The following GMDS variants were observed in gnomAD, a reference collection of about 807,000 sequenced individuals.
GMDS encodes GDP-mannose 4,6 dehydratase.
A neutral mutation model predicts 49.9 loss-of-function variants in GMDS; 20 were observed. That is an observed-to-expected ratio of 0.40 (90% CI 0.28 to 0.58). The LOEUF (loss-of-function observed/expected upper bound fraction) is 0.58. Ranked by LOEUF, GMDS falls within the 20% of genes least tolerant of loss-of-function variation. The probability of loss-of-function intolerance (pLI) is 0.42; values close to 1 mark genes in which losing one functional copy is unlikely to be tolerated. For synonymous variants in GMDS, 177 were observed against 178.6 expected, an observed-to-expected ratio of 0.99 and a Z score of 0.07; for missense variants, 362 against 481.4, an observed-to-expected ratio of 0.75 and a Z score of 2.32.
intron 7 of GMDS, among the ~76,000 whole-genome samples, chr6:1,795,007 T>C (rs551521968): frequency 6.6e-5 from 10 of 152,058 alleles, no homozygotes; most frequent in South Asian, 2.1e-4. Context: ...CTGGGAAACA[T>C]AGCGAAGCCC....
chr6:2,081,871 AG>A (rs1383166017), intron 4 of GMDS, among the ~76,000 whole-genome samples: 3 of 152,102 alleles, frequency 2.0e-5, no homozygotes, highest in African/African-American at 7.2e-5. Context: ...TCAAGCAAAA[AG>A]ATATCAACGA....
intron 4 of GMDS, among the ~76,000 whole-genome samples, chr6:2,100,734 G>A (rs1773876021): frequency 1.3e-5 from 2 of 151,922 alleles, no homozygotes; most frequent in Non-Finnish European, 2.9e-5. Flanking sequence ...TCAAACATGT[G>A]ATAGGGGCAC....
At chr6:1,918,724 G>A (rs1489026943) in intron 7 of GMDS, among the ~76,000 whole-genome samples, 1 of 152,168 alleles carries the variant, frequency 6.6e-6, no homozygotes, top group Non-Finnish European at 1.5e-5. Flanking sequence ...ACTCCAGTAT[G>A]GGTGACAGAG....
At chr6:2,115,975 G>A (rs1169853170) in intron 3 of GMDS, 95 bp from the exon 4 acceptor site, 2 of 749,388 alleles carry the variant, frequency 2.7e-6, no homozygotes, top group East Asian at 5.0e-5. Flanking sequence ...TGGAAAGTCT[G>A]AAAACCAGGG....
chr6:1,814,282 G>A (rs137879822), intron 7 of GMDS, among the ~76,000 whole-genome samples: 2 of 152,326 alleles, frequency 1.3e-5, no homozygotes, highest in Non-Finnish European at 2.9e-5. Flanking sequence ...ACAGGAAGAA[G>A]CATCCCACAC....
intron 4 of GMDS, among the ~76,000 whole-genome samples, chr6:2,066,176 A>G (rs965416301): frequency 4.0e-5 from 6 of 150,450 alleles, no homozygotes; most frequent in East Asian, 2.0e-4. Flanking sequence ...ACTAAGCTTC[A>G]TAAGTGAAGG....
chr6:1,875,488 A>G (rs1040111464), intron 7 of GMDS, among the ~76,000 whole-genome samples: 6 of 152,204 alleles, frequency 3.9e-5, no homozygotes, highest in Non-Finnish European at 8.8e-5. Context: ...TAAAACCCAC[A>G]GCACTATATA....
At chr6:1,816,500 G>T (rs1438415979) in intron 7 of GMDS, among the ~76,000 whole-genome samples, 1 of 152,104 alleles carries the variant, frequency 6.6e-6, no homozygotes, top group Non-Finnish European at 1.5e-5. Context: ...CATATACAGT[G>T]GCAGCACTCC....
At chr6:2,132,329 C>T (rs1775781310) in intron 1 of GMDS, among the ~76,000 whole-genome samples, 1 of 151,998 alleles carries the variant, frequency 6.6e-6, no homozygotes, top group Non-Finnish European at 1.5e-5. Flanking sequence ...TATCAAACAC[C>T]CATTTGGACC....
In GMDS at chr6:1,731,231, T is replaced by A. The variant is rs554712926; in HGVS notation, c.891-4719A>T. Among the ~76,000 whole-genome samples the A allele has an allele frequency of 1.0e-3, 153 of 152,184 alleles. 1 individual carries two copies. Among genetic ancestry groups the A allele is most frequent in the African/African-American group, 3.6e-3 (148 of 41,514 alleles). ...ACATGAAAAACCAGAAGAAGGAAGATAAGAACATTAGAGTGCCTCAGGGCA... is the reference window on the plus strand; with the variant it reads ...ACATGAAAAACCAGAAGAAGGAAGAAAAGAACATTAGAGTGCCTCAGGGCA... On this transcript the variant is annotated intron_variant, in intron 8 of 10. Coordinates refer to ENST00000380815, the MANE Select transcript of GMDS (RefSeq NM_001500.4).
intron 1 of GMDS, among the ~76,000 whole-genome samples, chr6:2,220,052 G>A (rs531194008): frequency 1.3e-5 from 2 of 152,158 alleles, no homozygotes; most frequent in Middle Eastern, 3.2e-3. Context: ...TTATTCAAGG[G>A]CTAGGGCAGT....
At chr6:2,160,091 C>T (rs1777318535) in intron 1 of GMDS, among the ~76,000 whole-genome samples, 1 of 152,002 alleles carries the variant, frequency 6.6e-6, no homozygotes, top group African/African-American at 2.4e-5. Flanking sequence ...CAATTTAAGC[C>T]TAAATATTAA....
At chr6:1,717,077 C>T (rs1476350667) in intron 9 of GMDS, among the ~76,000 whole-genome samples, 1 of 152,192 alleles carries the variant, frequency 6.6e-6, no homozygotes, top group South Asian at 2.1e-4. Flanking sequence ...CTCAGTATTC[C>T]CTGCCAAGAG....
At chr6:1,932,060 G>A (rs905170051) in intron 6 of GMDS, among the ~76,000 whole-genome samples, 9 of 152,186 alleles carry the variant, frequency 5.9e-5, no homozygotes, top group African/African-American at 7.2e-5. Context: ...CAGGCGCAAC[G>A]CACGTGAGAA....
chr6:1,696,314 T>C (rs1010002794), intron 9 of GMDS, among the ~76,000 whole-genome samples: 1 of 152,238 alleles, frequency 6.6e-6, no homozygotes, highest in African/African-American at 2.4e-5. Context: ...GCAAAATGGC[T>C]AGGGCCTACG....
At chr6:1,995,241 C>T (rs1434092594) in intron 4 of GMDS, among the ~76,000 whole-genome samples, 1 of 152,134 alleles carries the variant, frequency 6.6e-6, no homozygotes, top group African/African-American at 2.4e-5. Context: ...CAGTGGGGTA[C>T]AAGGGAGGAC....
intron 1 of GMDS, among the ~76,000 whole-genome samples, chr6:2,144,708 G>A (rs1328234743): frequency 1.3e-5 from 2 of 152,122 alleles, no homozygotes; most frequent in East Asian, 1.9e-4. Context: ...AACCACAATG[G>A]TTTCTAAGAT....
intron 4 of GMDS, among the ~76,000 whole-genome samples, chr6:2,060,049 T>G (rs1011494749): frequency 5.3e-5 from 8 of 152,146 alleles, no homozygotes; most frequent in Non-Finnish European, 8.8e-5. Flanking sequence ...CCTCCCTCAT[T>G]TTTTCACTAA....
chr6:2,114,071 A>G (rs1171605299), intron 4 of GMDS, among the ~76,000 whole-genome samples: 3 of 152,184 alleles, frequency 2.0e-5, no homozygotes, highest in Non-Finnish European at 4.4e-5. Context: ...ACTATAACAT[A>G]TTTCTGAACT....
Sources: allele counts gnomAD v4.1 joint callset (sites outside exome capture counted in the v4.1 genomes callset), GRCh38; gene constraint gnomAD v4.1.1; transcripts MANE v1.5; gene names NCBI Gene and HGNC (gene_info 2026-07-23, HGNC 2026-07-21).